The following DIP2A variants were observed in gnomAD, a reference collection of about 807,000 sequenced individuals.
DIP2A encodes the protein disco-interacting protein 2 homolog A.
Under a neutral mutation model 177.4 loss-of-function variants are expected in DIP2A, and 85 were observed. That is an observed-to-expected ratio of 0.48 (90% CI 0.40 to 0.57). DIP2A has a LOEUF of 0.57. Ranked by LOEUF, DIP2A falls within the 20% of genes least tolerant of loss-of-function variation. The pLI, the probability that DIP2A is intolerant of heterozygous loss-of-function variation, is 0.00. For missense variants in DIP2A, 1,791 were observed against 2,100.2 expected (o/e 0.85, Z 2.88); for synonymous variants, 886 against 881.8 (o/e 1.00, Z -0.08).
At chr21:46,474,349 C>T (rs2055659887) in intron 1 of DIP2A, among the ~76,000 whole-genome samples, 1 of 152,022 alleles carries the variant, frequency 6.6e-6, no homozygotes, top group Non-Finnish European at 1.5e-5. Flanking sequence ...GTCATCAGCA[C>T]ATAGATAGTA....
intron 33 of DIP2A, 172 bp from the exon 34 acceptor site, chr21:46,561,576 G>T: frequency 2.3e-6 from 2 of 854,968 alleles, no homozygotes; most frequent in Non-Finnish European, 1.9e-6. Context: ...TGGGACCGCA[G>T]CGTGGTTGGG....
At chr21:46,464,480 T>C (rs905687999) in intron 1 of DIP2A, among the ~76,000 whole-genome samples, 3 of 152,240 alleles carry the variant, frequency 2.0e-5, no homozygotes, top group Non-Finnish European at 2.9e-5. Context: ...TATTTTGTGT[T>C]GTGTTTGTGT....
intron 18 of DIP2A, among the ~76,000 whole-genome samples, chr21:46,542,358 A>C (rs1345433270): frequency 2.0e-5 from 3 of 152,224 alleles, no homozygotes; most frequent in Non-Finnish European, 4.4e-5. Context: ...ATTTAACCCC[A>C]TGGCAACCAT....
rs1470078371 is a variant in DIP2A, at chr21:46,495,248, C to CTTCTCTTCTT, written c.284-1739_284-1738insTCTCTTCTTT. Among the ~76,000 whole-genome samples, 189 of 77,398 alleles carry CTTCTCTTCTT rather than the reference C, an allele frequency of 2.4e-3. 1 individual carries two copies. The highest frequency in any genetic ancestry group is 5.4e-3 in the Middle Eastern group (1 of 186). The allele number at this position is 77,398 out of a possible 152,430, so 50.8% of individuals were successfully genotyped here. Reference sequence around the variant, plus strand: ...TCTTCTCTTCTCTTCTCTTCTTTCTCTCTCTCTCTCTCTCTCTCTCTCTCT... The same window carrying CTTCTCTTCTT: ...TCTTCTCTTCTCTTCTCTTCTTTCTCTTCTCTTCTTTCTCTCTCTCTCTCTCTCTCTCTCT... On this transcript the variant is annotated intron_variant, in intron 3 of 37. Coordinates refer to ENST00000417564, the MANE Select transcript of DIP2A (RefSeq NM_015151.4).
intron 1 of DIP2A, among the ~76,000 whole-genome samples, chr21:46,472,101 A>G (rs916933250): frequency 3.9e-5 from 6 of 152,228 alleles, no homozygotes; most frequent in African/African-American, 1.4e-4. Flanking sequence ...TTAAGATCAA[A>G]TGAGGTCAAG....
At chr21:46,475,710 G>A (rs1230070984) in intron 1 of DIP2A, among the ~76,000 whole-genome samples, 1 of 152,132 alleles carries the variant, frequency 6.6e-6, no homozygotes, top group African/African-American at 2.4e-5. Context: ...TGAAGATTTG[G>A]ACACATTAGA....
the DIP2A span, among the ~76,000 whole-genome samples, chr21:46,583,561 A>T: frequency 6.6e-6 from 1 of 152,172 alleles, no homozygotes; most frequent in Non-Finnish European, 1.5e-5. Context: ...ATTTTTGTTC[A>T]CTCCAAAACT....
At chr21:46,530,903 G>A (rs577336759) in intron 9 of DIP2A, among the ~76,000 whole-genome samples, 1 of 152,298 alleles carries the variant, frequency 6.6e-6, no homozygotes, top group East Asian at 1.9e-4. Flanking sequence ...GTGGAATGAT[G>A]CTTCAGACAT....
At chr21:46,521,753 T>A (rs1364412229) in intron 8 of DIP2A, among the ~76,000 whole-genome samples, 2 of 152,224 alleles carry the variant, frequency 1.3e-5, no homozygotes, top group African/African-American at 4.8e-5. Context: ...CCCTTTAACT[T>A]TAGGCCAGTG....
Position 46,565,733 on chromosome 21 carries a change from C to CA in DIP2A, c.4187dup (p.Asn1396LysfsTer48), listed in dbSNP as rs1320941018. The stretch of plus-strand genomic sequence containing the variant: ...ACCAGATCTGGGTAAGCAGCCCCCA[C>CA]AATGCCACCGGGTACTACACCGTTT... On this transcript the variant is annotated frameshift_variant, in exon 36 of 38. Coordinates refer to ENST00000417564, the MANE Select transcript of DIP2A (RefSeq NM_015151.4). LOFTEE classifies it high-confidence loss of function. 2.4e-5 allele frequency: 38 copies of CA among 1,612,894 alleles called. No homozygotes were observed. Among genetic ancestry groups the CA allele is most frequent in the Non-Finnish European group, 3.2e-5 (38 of 1,179,588 alleles).
At chr21:46,515,452 CT>C (rs59288880) in intron 8 of DIP2A, among the ~76,000 whole-genome samples, 41,807 of 145,516 alleles carry the variant, frequency 0.29, 6,073 homozygotes, top group East Asian at 0.36. Flanking sequence ...CACACTTCCT[CT>C]TTTTTTTTTT....
rs1368865308 is a variant in DIP2A at position 46,557,897 on chromosome 21, T to C, written c.3798+144T>C. ...AAACCCTTTCCCACTAGGGGCCCTA[T>C]GTACACATCTGTCCTCCCACGGCCC... On this transcript the variant is annotated intron_variant, in intron 31 of 37. Coordinates refer to ENST00000417564, the MANE Select transcript of DIP2A (RefSeq NM_015151.4). The surrounding 1 kb of genome is among the most constrained non-coding windows in gnomAD (Gnocchi z 6.0). The C allele has an allele frequency of 3.9e-6, 4 of 1,036,332 alleles. No homozygotes were observed. The highest frequency in any genetic ancestry group is 5.5e-6 in the Non-Finnish European group (4 of 730,840). The allele number at this position is 1,036,332 out of a possible 1,614,324, so 64.2% of individuals were successfully genotyped here. A position where few individuals can be genotyped will look rare whatever the true frequency, so the allele number is the denominator to read the frequency against.
chr21:46,574,029 T>C (rs953384801), downstream of DIP2A, among the ~76,000 whole-genome samples: 11 of 152,170 alleles, frequency 7.2e-5, no homozygotes, highest in Non-Finnish European at 1.6e-4. Context: ...CAGAACATTC[T>C]ACCCAACAAT....
In DIP2A at chr21:46,498,620, C is replaced by T. The variant is rs375439870; in HGVS notation, c.442C>T (p.Arg148Ter). The change falls in exon 5 of 38, where the codon CGA becomes TGA. Residue 148 changes from arginine to a stop codon, truncating the protein, a stop_gained. Transcript: ENST00000417564. LOFTEE classifies it high-confidence loss of function. This position sits in a 1 kb window ranked among gnomAD's most constrained non-coding sequence, Gnocchi z 4.3. ...CTCAGAAGATGAGGGCTCTTTACGG[C>T]GACCCGGGCGACTCACCTCCACTCC... ...SASEDEGSLR[R>*]PGRLTSTPLQ... is the part of the protein sequence containing the mutation. 3 of 1,612,180 alleles carry T rather than the reference C, an allele frequency of 1.9e-6. No homozygotes were observed. The highest frequency in any genetic ancestry group is 1.7e-6 in the Non-Finnish European group (2 of 1,179,170).
At chr21:46,503,984 C>T (rs984640539) in intron 5 of DIP2A, among the ~76,000 whole-genome samples, 1 of 152,184 alleles carries the variant, frequency 6.6e-6, no homozygotes, top group Non-Finnish European at 1.5e-5. Flanking sequence ...TGTCAGCCTC[C>T]CCAAGTGCAG....
At chr21:46,492,125 T>C (rs541382348) in intron 3 of DIP2A, among the ~76,000 whole-genome samples, 1 of 152,350 alleles carries the variant, frequency 6.6e-6, no homozygotes, top group African/African-American at 2.4e-5. Context: ...TAGTGCCATT[T>C]TAGTGCCCTT....
chr21:46,549,649 C>G, intron 21 of DIP2A, 122 bp from the exon 22 acceptor site: 1 of 1,508,732 alleles, frequency 6.6e-7, no homozygotes, highest in Non-Finnish European at 8.9e-7. Flanking sequence ...GCAGGTAGCC[C>G]CATTTGATAG....
intron 1 of DIP2A, among the ~76,000 whole-genome samples, chr21:46,482,816 G>A (rs1263637886): frequency 6.6e-6 from 1 of 152,200 alleles, no homozygotes; most frequent in Admixed American, 6.5e-5. Context: ...TTCTTCTGCA[G>A]CAGTGGAGTT....
rs1276692506 is a variant in DIP2A at position 46,557,003 on chromosome 21, C to G, written c.3563C>G (p.Ser1188Trp). Residue 1188 changes from serine (S) to tryptophan (W), a missense_variant, in exon 30 of 38, where the codon TCG becomes TGG. Ser to Trp is a radical substitution (Grantham distance 177, BLOSUM62 -3). Transcript: ENST00000417564. This position sits in a 1 kb window ranked among gnomAD's most constrained non-coding sequence, Gnocchi z 6.0. The stretch of plus-strand genomic sequence containing the variant: ...AAGCTGCAGTGTGAGCTGTACCCCT[C>G]GCGGCAGATCGCCATCTGCCTCGAC... ...SIKLQCELYP[S>W]RQIAICLDPY... 1 of 1,600,208 alleles carries G rather than the reference C, an allele frequency of 6.2e-7. No individual in the cohort carries two copies. The highest frequency in any genetic ancestry group is 1.7e-5 in the Admixed American group (1 of 57,744).
Sources: gnomAD v4.1 joint callset for allele counts (sites outside exome capture counted in the v4.1 genomes callset) on GRCh38, gnomAD v4.1.1 for gene constraint, Gnocchi (gnomAD v3.1) non-coding constraint, MANE v1.5 for transcripts, NCBI Gene and HGNC (gene_info 2026-07-23, HGNC 2026-07-21) for gene names.